Variants in PPP2R5C observed in about 807,000 individuals in gnomAD.
The protein encoded by PPP2R5C is protein phosphatase 2 regulatory subunit B'gamma, also known as serine/threonine-protein phosphatase 2A 56 kDa regulatory subunit gamma isoform.
PPP2R5C carries 7 observed loss-of-function variants against 68.9 expected under a neutral mutation model. That is an observed-to-expected ratio of 0.10 (90% CI 0.06 to 0.19). The LOEUF (loss-of-function observed/expected upper bound fraction) is 0.19. Ranked by LOEUF, PPP2R5C falls within the 10% of genes least tolerant of loss-of-function variation. PPP2R5C has a pLI of 1.00. For synonymous variants in PPP2R5C, 210 were observed against 222.2 expected (o/e 0.95, Z 0.49); for missense variants, 348 against 641.3 (o/e 0.54, Z 4.94).
intron 3 of PPP2R5C, among the ~76,000 whole-genome samples, chr14:101,789,148 G>C (rs1456685549): frequency 1.3e-5 from 2 of 152,186 alleles, no homozygotes; most frequent in Non-Finnish European, 2.9e-5. Flanking sequence ...GTTTGCAATA[G>C]ATTCTTTTAT....
At chr14:101,878,192 T>G (rs766774383) in intron 2 of PPP2R5C, among the ~76,000 whole-genome samples, 4 of 152,242 alleles carry the variant, frequency 2.6e-5, no homozygotes, top group Non-Finnish European at 4.4e-5. Context: ...GCCCCACTTA[T>G]GACTTCATTC....
intron 1 of PPP2R5C, among the ~76,000 whole-genome samples, chr14:101,849,956 G>T (rs2042055201): frequency 6.6e-6 from 1 of 152,204 alleles, no homozygotes; most frequent in African/African-American, 2.4e-5. Context: ...GGGTGTCTTG[G>T]TTAGTCTTAA....
At chr14:101,918,012 T>A in intron 13 of PPP2R5C, 65 bp downstream of exon 15, 1 of 1,607,136 alleles carries the variant, frequency 6.2e-7, no homozygotes, top group Non-Finnish European at 8.5e-7. Flanking sequence ...CACATTTTTG[T>A]AGGCGATGTG....
chr14:101,884,854 C>T (rs1050348046), intron 5 of PPP2R5C, among the ~76,000 whole-genome samples: 2 of 152,252 alleles, frequency 1.3e-5, no homozygotes, highest in Non-Finnish European at 2.9e-5. Flanking sequence ...GTTGATTTGT[C>T]GCACGCCCCA....
upstream of PPP2R5C, chr14:101,809,847 C>A (rs2039245138): frequency 6.7e-7 from 1 of 1,498,026 alleles, no homozygotes; most frequent in South Asian, 1.4e-5. Context: ...TTCCCTCCAG[C>A]TGCAGAGAGC....
At position 101,915,356 on chromosome 14, in the gene PPP2R5C, A is replaced by C. The variant is rs1041676798; in HGVS notation, c.1327-2475A>C. ...CGGCCTCCCAGAGTGCTGGGATTAC[A>C]GGTGTGAGCCACCGCACCTGGCCTT... On this transcript the variant is annotated intron_variant, in intron 12 of 13. Coordinates refer to ENST00000334743, the Ensembl canonical transcript of PPP2R5C. The surrounding 1 kb of genome is among the most constrained non-coding windows in gnomAD (Gnocchi z 4.2). 6.6e-6 allele frequency among the ~76,000 whole-genome samples: 1 copy of C among 152,202 alleles called. No homozygotes were observed. The highest frequency in any genetic ancestry group is 2.4e-5 in the African/African-American group (1 of 41,470).
intron 1 of PPP2R5C, among the ~76,000 whole-genome samples, chr14:101,816,321 C>G (rs559551886): frequency 1.4e-3 from 212 of 152,312 alleles, no homozygotes; most frequent in African/African-American, 4.9e-3. Flanking sequence ...ATTTCTCTCA[C>G]TCACATCTTG....
At chr14:101,920,429 C>A (rs148636743) in intron 13 of PPP2R5C, among the ~76,000 whole-genome samples, 108 of 152,352 alleles carry the variant, frequency 7.1e-4, no homozygotes, top group African/African-American at 2.5e-3. Context: ...TGTAGCATGT[C>A]TGCTTCCTTG....
At chr14:101,762,035 C>A in intron 1 of PPP2R5C, 115 bp downstream of exon 1, 1 of 1,042,830 alleles carries the variant, frequency 9.6e-7, no homozygotes, top group Non-Finnish European at 1.2e-6. Flanking sequence ...CCTGACGCCG[C>A]GGGCTTCGCG....
intron 1 of PPP2R5C, among the ~76,000 whole-genome samples, chr14:101,844,881 T>C (rs1373142722): frequency 6.6e-6 from 1 of 152,216 alleles, no homozygotes; most frequent in Non-Finnish European, 1.5e-5. Flanking sequence ...GAGCTTCTTG[T>C]CACCAGGTGC....
intron 2 of PPP2R5C, among the ~76,000 whole-genome samples, chr14:101,870,058 T>C (rs1473396900): frequency 2.1e-5 from 3 of 141,842 alleles, no homozygotes; most frequent in African/African-American, 7.9e-5. Flanking sequence ...TTTTTTTTTT[T>C]TTTTTTTTGA....
chr14:101,911,015 A>G (rs746575423), intron 11 of PPP2R5C, among the ~76,000 whole-genome samples: 1 of 151,488 alleles, frequency 6.6e-6, no homozygotes, highest in Non-Finnish European at 1.5e-5. Flanking sequence ...AGGCAGGAGA[A>G]TGGTGTGAAC....
chr14:101,845,204 G>C (rs568811366), intron 1 of PPP2R5C, among the ~76,000 whole-genome samples: 33 of 152,162 alleles, frequency 2.2e-4, no homozygotes, highest in African/African-American at 8.0e-4. Context: ...GTTGCCTGCA[G>C]CCGGAGTGAA....
chr14:101,906,764 TC>T lies in PPP2R5C; in HGVS notation c.1151+238del. ...AGAGGCACATTGGTTTGCAGCCACC[TC>T]CCAGTAGCAGCAGTTTCTAGGCCTC... is the stretch of plus-strand genomic sequence containing the variant. On this transcript the variant is annotated intron_variant, in intron 10 of 13. Transcript: ENST00000334743. The surrounding 1 kb of genome is among the most constrained non-coding windows in gnomAD (Gnocchi z 4.0). 2.1e-6 allele frequency: 1 copy of T among 474,352 alleles called. No individual in the cohort carries two copies. Among genetic ancestry groups the T allele is most frequent in the Non-Finnish European group, 3.7e-6 (1 of 272,610 alleles). 29.4% of individuals were successfully genotyped at this position (474,352 alleles called of 1,614,324 possible).
At chr14:101,828,273 A>T (rs1361727394) in intron 1 of PPP2R5C, among the ~76,000 whole-genome samples, 1 of 152,118 alleles carries the variant, frequency 6.6e-6, no homozygotes, top group Non-Finnish European at 1.5e-5. Flanking sequence ...ACTTACAGGG[A>T]TGGGGAGTTC....
chr14:101,840,503 A>G (rs78480595), intron 1 of PPP2R5C, among the ~76,000 whole-genome samples: 3,429 of 146,266 alleles, frequency 0.023, 36 homozygotes, highest in Non-Finnish European at 0.037. Flanking sequence ...AAAAAAAAAA[A>G]AAAAAAGCTC....
chr14:101,809,688 C>T, upstream of PPP2R5C: 2 of 578,222 alleles, frequency 3.5e-6, no homozygotes, highest in Non-Finnish European at 5.0e-6. Context: ...ACGAAGGCTG[C>T]AAAAAGCCGG....
intron 3 of PPP2R5C, among the ~76,000 whole-genome samples, chr14:101,800,219 A>G (rs1163718554): frequency 2.0e-5 from 3 of 152,214 alleles, no homozygotes; most frequent in African/African-American, 7.2e-5. Context: ...ACTAGGTTCC[A>G]GGGTGGTAGA....
chr14:101,876,304 G>T (rs1164519845), intron 2 of PPP2R5C, among the ~76,000 whole-genome samples: 1 of 152,058 alleles, frequency 6.6e-6, no homozygotes, highest in Non-Finnish European at 1.5e-5. Context: ...AAATCCTGTT[G>T]ACATGAATAA....
Sources: gnomAD v4.1 joint callset for allele counts (sites outside exome capture counted in the v4.1 genomes callset) on GRCh38, gnomAD v4.1.1 for gene constraint, Gnocchi (gnomAD v3.1) non-coding constraint, MANE v1.5 for transcripts, NCBI Gene and HGNC (gene_info 2026-07-23, HGNC 2026-07-21) for gene names.